The following PI4KB variants were observed in gnomAD, a reference collection of about 807,000 sequenced individuals.
The protein encoded by PI4KB is PtdIns 4-kinase beta.
PI4KB carries 23 observed loss-of-function variants against 81.4 expected under a neutral mutation model. The observed-to-expected ratio is 0.28, with a 90% CI of 0.20 to 0.40. The LOEUF is 0.40. PI4KB is among the 10% of genes least tolerant of loss of function. The pLI, the probability that PI4KB is intolerant of heterozygous loss-of-function variation, is 1.00. For missense variants in PI4KB, 651 were observed against 1,036.6 expected (o/e 0.63, Z 5.11); for synonymous variants, 381 against 406.8 (o/e 0.94, Z 0.76).
At chr1:151,327,216 A>ACGGGGGGCCCCCCCC in intron 1 of PI4KB, 55 bp downstream of exon 1, 2 of 104,016 alleles carry the variant, frequency 1.9e-5, no homozygotes, top group South Asian at 3.6e-4. Flanking sequence ...TGGGAGAGGG[A>ACGGGGGGCCCCCCCC]CCCCCCCCCC....
At chr1:151,316,539 G>C in intron 1 of PI4KB, 30 bp from the exon 2 acceptor site, 1 of 1,477,088 alleles carries the variant, frequency 6.8e-7, no homozygotes, top group South Asian at 1.4e-5. Flanking sequence ...GAAAAGAACA[G>C]AAAGGGAGAC....
intron 6 of PI4KB, 71 bp downstream of exon 6, chr1:151,303,470 G>A (rs1421906582): frequency 3.3e-6 from 3 of 905,158 alleles, no homozygotes; most frequent in Non-Finnish European, 5.6e-6. Flanking sequence ...AGATGGAGAG[G>A]AAGGTAACAA....
chr1:151,316,391 T>G lies in PI4KB; in HGVS notation c.91A>C (p.Ser31Arg). 1 of 1,602,164 alleles carries G rather than the reference T, an allele frequency of 6.2e-7. No individual in the cohort carries two copies. Among genetic ancestry groups the G allele is most frequent in the Non-Finnish European group, 8.5e-7 (1 of 1,174,096 alleles). Residue 31 changes from serine (S) to arginine (R), a missense_variant, in exon 2 of 12, where the codon AGT (serine) becomes CGT (arginine). Around this residue, in one of 5 missense-constraint regions of PI4KB, gnomAD observed 314 missense variants for 397.8 expected, o/e 0.79. Coordinates refer to ENST00000368873, the MANE Select transcript of PI4KB (RefSeq NM_001369623.2). ...TCCCCGACCCCCTCCGTGATGACAC[T>G]TAGCAGGGACCCCCCATTATTCCCT... ...PPGNNGGSLL[S>R]VITEGVGELS... is the part of the protein sequence containing the mutation.
intron 6 of PI4KB, chr1:151,303,230 A>C (rs1695453863): frequency 8.0e-6 from 2 of 251,292 alleles, no homozygotes; most frequent in Non-Finnish European, 1.6e-5. Context: ...CGATCTCCTG[A>C]CCTCGTGATC....
intron 3 of PI4KB, 130 bp downstream of exon 3, chr1:151,310,081 C>G: frequency 3.0e-6 from 2 of 668,350 alleles, no homozygotes; most frequent in Non-Finnish European, 5.4e-6. Flanking sequence ...GAGGGAGGAG[C>G]TGATCTCCCA....
chr1:151,326,969 T>C (rs1649701626), intron 1 of PI4KB, among the ~76,000 whole-genome samples: 3 of 151,968 alleles, frequency 2.0e-5, no homozygotes, highest in Admixed American at 2.0e-4. Context: ...AGTCGTCTGA[T>C]ATGGAAAGGG....
At chr1:151,302,015 G>A in intron 7 of PI4KB, 48 bp from the exon 8 acceptor site, 1 of 1,608,152 alleles carries the variant, frequency 6.2e-7, no homozygotes, top group Non-Finnish European at 8.5e-7. Flanking sequence ...CCAGGGTGAG[G>A]ACAAGAGACA....
Position 151,302,312 on chromosome 1 carries a change from A to G in PI4KB, c.1521-14T>C. The stretch of plus-strand genomic sequence containing the variant: ...GAAAGGCGCCGGCTGGCAGGAAGAA[A>G]ATACATCATTTGCTTGGAGAAGCTA... On this transcript the variant is annotated splice_polypyrimidine_tract_variant and intron_variant, in intron 6 of 11. Coordinates refer to ENST00000368873, the MANE Select transcript of PI4KB (RefSeq NM_001369623.2). The G allele has an allele frequency of 6.3e-7, 1 of 1,599,566 alleles. No individual in the cohort carries two copies. Among genetic ancestry groups the G allele is most frequent in the Admixed American group, 1.7e-5 (1 of 60,006 alleles).
rs1376915292 is a variant in PI4KB, at chr1:151,315,804, G to A, written c.678C>T (p.Ser226=). The change falls in exon 2 of 12, where the codon TCC becomes TCT. Residue 226 remains serine, a synonymous_variant. Coordinates refer to ENST00000368873, the MANE Select transcript of PI4KB (RefSeq NM_001369623.2). Reference sequence around the variant, plus strand: ...TGGTCCCACGGGAGTGTCGTTGAGTGGAAATGTGCATGTCTGAAGAATAGG... The same window carrying A: ...TGGTCCCACGGGAGTGTCGTTGAGTAGAAATGTGCATGTCTGAAGAATAGG... ...LGAYSSDMHI[S]TQRHSRGTKL... 1 of 1,613,002 alleles carries A rather than the reference G, an allele frequency of 6.2e-7. No homozygotes were observed. The highest frequency in any genetic ancestry group is 1.7e-5 in the Admixed American group (1 of 59,916).
rs1216530062 is a variant in PI4KB at position 151,307,724 on chromosome 1, G to A, written c.1032C>T (p.Thr344=). Residue 344 remains threonine, a synonymous_variant, in exon 4 of 12, where the codon ACC becomes ACT. Transcript: ENST00000368873. ...TCAGCCTCTGTGTTTTCTGCTCTTT[G>A]GTGGGGAGCGTGGCCAGCCGCTTGC... The part of the protein sequence containing the change: ...AIGKRLATLP[T]KEQKTQRLIS... The A allele has an allele frequency of 6.2e-7, 1 of 1,614,156 alleles. No homozygotes were observed. The highest frequency in any genetic ancestry group is 1.1e-5 in the South Asian group (1 of 91,074).
intron 11 of PI4KB, chr1:151,293,278 A>T (rs1006422859): frequency 8.6e-6 from 12 of 1,396,936 alleles, no homozygotes; most frequent in African/African-American, 1.5e-5. Flanking sequence ...CCAACACCAC[A>T]TCTCCCTCAG....
rs187660746 is a variant in PI4KB, at chr1:151,296,835, G to A, written c.2015+1973C>T. Among the ~76,000 whole-genome samples, 20 of 151,012 alleles carry A rather than the reference G, an allele frequency of 1.3e-4. No homozygotes were observed. The East Asian group carries it at 1.6e-3, about 12-fold the overall frequency. On this transcript the variant is annotated intron_variant, in intron 9 of 11. Transcript: ENST00000368873. ...GTGTCACCCAGGCTGGTGTGCAGTCGCGCGATCTCATCTCACTGCAACCTC... is the reference window on the plus strand; with the variant it reads ...GTGTCACCCAGGCTGGTGTGCAGTCACGCGATCTCATCTCACTGCAACCTC...
chr1:151,297,534 T>C (rs2101915961), intron 9 of PI4KB, among the ~76,000 whole-genome samples: 1 of 151,228 alleles, frequency 6.6e-6, no homozygotes, highest in East Asian at 1.9e-4. Flanking sequence ...TATGTATATA[T>C]ATAAATTTTT....
At chr1:151,327,684 A>T (rs1038515987), upstream of PI4KB, 5 of 304,664 alleles carry the variant, frequency 1.6e-5, no homozygotes, top group East Asian at 2.7e-4. Context: ...TGCCTGGAAC[A>T]TGCCTGTTCA....
Position 151,315,792 on chromosome 1 carries a change from G to A in PI4KB, c.690C>T (p.His230=). 1 of 1,612,646 alleles carries A rather than the reference G, an allele frequency of 6.2e-7. No individual in the cohort carries two copies. The highest frequency in any genetic ancestry group is 8.5e-7 in the Non-Finnish European group (1 of 1,179,114). Reference sequence around the variant, plus strand: ...GCTTCCGTAGCTTGGTCCCACGGGAGTGTCGTTGAGTGGAAATGTGCATGT... The same window carrying A: ...GCTTCCGTAGCTTGGTCCCACGGGAATGTCGTTGAGTGGAAATGTGCATGT... The part of the protein sequence containing the change: ...SSDMHISTQR[H]SRGTKLRKLI... The change falls in exon 2 of 12, where the codon CAC becomes CAT. Residue 230 remains histidine, a synonymous_variant. Coordinates refer to ENST00000368873, the MANE Select transcript of PI4KB (RefSeq NM_001369623.2).
At chr1:151,294,373 A>G (rs370586000) in intron 10 of PI4KB, 36 bp downstream of exon 10, 36 of 1,603,848 alleles carry the variant, frequency 2.2e-5, no homozygotes, top group African/African-American at 2.1e-4. Context: ...AAAGAATACA[A>G]TGACCCCCGA....
chr1:151,315,733 C>T lies in PI4KB; in HGVS notation c.749G>A (p.Arg250Lys), dbSNP rs1287590316. Residue 250 changes from arginine (R) to lysine (K), a missense_variant, in exon 2 of 12, where the codon AGG (arginine) becomes AAG (lysine). By Grantham distance (26) the Arg-to-Lys change is conservative. Around this residue, in one of 5 missense-constraint regions of PI4KB, gnomAD observed 314 missense variants for 397.8 expected, o/e 0.79. Transcript: ENST00000368873. ...ILSDELKPAH[R>K]KRELPSLSPA... ...GCTCAAGGAGGGCAGCTCCCTCTTC[C>T]TGTGAGCTGGCTTTAGCTCATCTGA... The T allele has an allele frequency of 1.5e-5, 24 of 1,613,942 alleles. No individual in the cohort carries two copies. Among genetic ancestry groups the T allele is most frequent in the Admixed American group, 5.0e-5 (3 of 59,988 alleles).
chr1:151,318,667 GCACCGCTGCACTCCAGCCTGGGCA>G (rs1557812684), intron 1 of PI4KB, among the ~76,000 whole-genome samples: 4 of 151,702 alleles, frequency 2.6e-5, no homozygotes, highest in African/African-American at 7.3e-5. Flanking sequence ...AGCCGAGATC[GCACCGCTGCACTCCAGCCTGGGCA>G]ACAGAGCGAA....
chr1:151,294,942 T>G (rs587742301), intron 9 of PI4KB, among the ~76,000 whole-genome samples: 2 of 152,304 alleles, frequency 1.3e-5, no homozygotes, highest in South Asian at 2.1e-4. Context: ...GAGGCTCTAT[T>G]CTGAGCCTGT....
Sources: allele counts gnomAD v4.1 joint callset (sites outside exome capture counted in the v4.1 genomes callset), GRCh38; gene constraint gnomAD v4.1.1; regional missense constraint gnomAD v4.1.1; transcripts MANE v1.5; gene names NCBI Gene and HGNC (gene_info 2026-07-23, HGNC 2026-07-21).